The following ZBTB7C variants were observed in gnomAD, a reference collection of about 807,000 sequenced individuals.
ZBTB7C encodes the protein zinc finger and BTB domain containing 7C, also known as zinc finger and BTB domain-containing protein 7C.
A neutral mutation model predicts 25.7 loss-of-function variants in ZBTB7C; 8 were observed. The observed-to-expected ratio is 0.31, with a 90% CI of 0.18 to 0.56. ZBTB7C has a LOEUF of 0.56. ZBTB7C is among the 20% of genes least tolerant of loss of function. ZBTB7C has a pLI of 0.91. For synonymous variants in ZBTB7C, 394 were observed against 369.0 expected (o/e 1.07, Z -0.78); for missense variants, 824 against 855.2 (o/e 0.96, Z 0.46).
chr18:48,243,569 G>A (rs1419389233), intron 2 of ZBTB7C, among the ~76,000 whole-genome samples: 1 of 152,134 alleles, frequency 6.6e-6, no homozygotes, highest in Non-Finnish European at 1.5e-5. Flanking sequence ...TGGATGGGTA[G>A]AATCAATACT....
intron 2 of ZBTB7C, among the ~76,000 whole-genome samples, chr18:48,236,539 T>C (rs140894041): frequency 3.3e-5 from 5 of 152,296 alleles, no homozygotes; most frequent in Admixed American, 1.3e-4. Context: ...GAAGACTTCA[T>C]AGAAGAAATA....
chr18:48,069,206 CT>C (rs2037451752), intron 3 of ZBTB7C, among the ~76,000 whole-genome samples: 1 of 152,236 alleles, frequency 6.6e-6, no homozygotes, highest in African/African-American at 2.4e-5. Context: ...GGGCCCACCC[CT>C]GTCCAGGTGT....
chr18:48,319,112 C>CTGTGTGTG (rs143825394), intron 2 of ZBTB7C, among the ~76,000 whole-genome samples: 3,072 of 147,412 alleles, frequency 0.021, 50 homozygotes, highest in African/African-American at 0.027. Flanking sequence ...CAGAATGCCT[C>CTGTGTGTG]TGTGTGTGTG....
intron 3 of ZBTB7C, among the ~76,000 whole-genome samples, chr18:48,162,560 G>T (rs891298780): frequency 6.6e-6 from 1 of 152,186 alleles, no homozygotes; most frequent in African/African-American, 2.4e-5. Context: ...TTAAGGATCT[G>T]TTAAGCACCT....
At chr18:48,301,506 C>T (rs546282168) in intron 2 of ZBTB7C, among the ~76,000 whole-genome samples, 23 of 152,216 alleles carry the variant, frequency 1.5e-4, no homozygotes, top group Non-Finnish European at 2.5e-4. Flanking sequence ...ATGGTAAGTA[C>T]CTCAGCAGGG....
intron 3 of ZBTB7C, chr18:48,165,127 T>C (rs1451028863): frequency 2.3e-6 from 3 of 1,289,606 alleles, no homozygotes; most frequent in Non-Finnish European, 3.0e-6. Flanking sequence ...ACAGGGACAC[T>C]CACCAACCCT....
rs141401821 is a variant in ZBTB7C at position 48,372,707 on chromosome 18, C to G, written c.-303-34309G>C. 4.1e-4 allele frequency among the ~76,000 whole-genome samples: 62 copies of G among 152,294 alleles called. 1 individual carries two copies. In the East Asian group the frequency reaches 0.012, roughly 29 times the overall value. On this transcript the variant is annotated intron_variant, in intron 1 of 4. Coordinates refer to ENST00000590800, the MANE Select transcript of ZBTB7C (RefSeq NM_001318841.2). ...CAGGGCCGTTAATGGTCTGCCCAGC[C>G]TCCCTCTCTGGACTGTCTCCTGGCC...
intron 3 of ZBTB7C, among the ~76,000 whole-genome samples, chr18:48,158,734 C>T (rs1461031241): frequency 6.6e-6 from 1 of 152,178 alleles, no homozygotes; most frequent in Non-Finnish European, 1.5e-5. Flanking sequence ...CTGGTGGAAA[C>T]AGAAGATAGA....
chr18:48,075,183 T>G (rs1345036314), intron 3 of ZBTB7C, among the ~76,000 whole-genome samples: 1 of 152,182 alleles, frequency 6.6e-6, no homozygotes, highest in Non-Finnish European at 1.5e-5. Flanking sequence ...AGAGGACGCA[T>G]TTGAGCTTCA....
At position 48,151,423 on chromosome 18, in the gene ZBTB7C, C is replaced by G. The variant is rs566278948; in HGVS notation, c.-17+34511G>C. Among the ~76,000 whole-genome samples, 26 of 152,216 alleles carry G rather than the reference C, an allele frequency of 1.7e-4. 1 individual carries two copies. Among genetic ancestry groups the G allele is most frequent in the Admixed American group, 5.2e-4 (8 of 15,272 alleles). ...GGGGGTATGAACATGTTCATGGTGC[C>G]TAACATATAGCACTAAATTGCATTT... On this transcript the variant is annotated intron_variant, in intron 3 of 4. Coordinates refer to ENST00000590800, the MANE Select transcript of ZBTB7C (RefSeq NM_001318841.2).
At chr18:48,106,543 G>C (rs558514803) in intron 3 of ZBTB7C, among the ~76,000 whole-genome samples, 5 of 152,252 alleles carry the variant, frequency 3.3e-5, no homozygotes, top group Admixed American at 6.5e-5. Flanking sequence ...TGTTATGGGT[G>C]GGGAGTCAGA....
chr18:48,332,132 G>A (rs146654250), intron 2 of ZBTB7C, among the ~76,000 whole-genome samples: 258 of 152,216 alleles, frequency 1.7e-3, no homozygotes, highest in Non-Finnish European at 2.9e-3. Flanking sequence ...AAGACTCATC[G>A]ATTGCATTTG....
chr18:48,055,677 C>T (rs953702251), intron 3 of ZBTB7C, among the ~76,000 whole-genome samples: 1 of 152,086 alleles, frequency 6.6e-6, no homozygotes, highest in Non-Finnish European at 1.5e-5. Context: ...GCCACAGGAG[C>T]CCAGCACCAA....
At position 48,317,722 on chromosome 18, in the gene ZBTB7C, C is replaced by T. The variant is rs115821321; in HGVS notation, c.-79+20452G>A. Among the ~76,000 whole-genome samples the T allele has an allele frequency of 5.4e-3, 823 of 152,288 alleles. 12 individuals are homozygous for T. The highest frequency in any genetic ancestry group is 0.019 in the African/African-American group (784 of 41,552). On this transcript the variant is annotated intron_variant, in intron 2 of 4. Transcript: ENST00000590800. Reference sequence around the variant, plus strand: ...CCAGCTTATAGGCAATACAAGTCAACGTCCCAGGTCCTGCAGCTATTGAGG... The same window carrying T: ...CCAGCTTATAGGCAATACAAGTCAATGTCCCAGGTCCTGCAGCTATTGAGG...
intron 1 of ZBTB7C, among the ~76,000 whole-genome samples, chr18:48,371,246 C>G (rs867813693): frequency 6.6e-6 from 1 of 152,214 alleles, no homozygotes; most frequent in Non-Finnish European, 1.5e-5. Context: ...CTTCTAGAAA[C>G]TCCTCATAAG....
At chr18:48,367,587 G>A (rs938492294) in intron 1 of ZBTB7C, among the ~76,000 whole-genome samples, 45 of 151,824 alleles carry the variant, frequency 3.0e-4, no homozygotes, top group African/African-American at 1.1e-3. Flanking sequence ...CAAATAACTA[G>A]GAAAGAGGCA....
At chr18:48,072,724 C>T (rs1203425365) in intron 3 of ZBTB7C, 3 of 152,274 alleles carry the variant, frequency 2.0e-5, no homozygotes, top group Non-Finnish European at 4.4e-5. Flanking sequence ...CCCATTGCTC[C>T]TCCAATCCCA....
intron 3 of ZBTB7C, among the ~76,000 whole-genome samples, chr18:48,137,802 C>G (rs2040221719): frequency 6.6e-6 from 1 of 152,242 alleles, no homozygotes; most frequent in African/African-American, 2.4e-5. Flanking sequence ...GAAATGCCAA[C>G]TGGAGATTCC....
intron 3 of ZBTB7C, among the ~76,000 whole-genome samples, chr18:48,093,004 C>A (rs2038476729): frequency 6.6e-6 from 1 of 152,204 alleles, no homozygotes; most frequent in Non-Finnish European, 1.5e-5. Context: ...CTACAGGGAT[C>A]CTGCAAGTGC....
Sources: gnomAD v4.1 joint callset for allele counts (sites outside exome capture counted in the v4.1 genomes callset) on GRCh38, gnomAD v4.1.1 for gene constraint, MANE v1.5 for transcripts, NCBI Gene and HGNC (gene_info 2026-07-23, HGNC 2026-07-21) for gene names.